The following NFATC3 variants were observed in gnomAD, a reference collection of about 807,000 sequenced individuals.
NFATC3 encodes nuclear factor of activated T cells 3, also known as nuclear factor of activated T-cells, cytoplasmic 3.
Under a neutral mutation model 98.6 loss-of-function variants are expected in NFATC3, and 46 were observed. That is an observed-to-expected ratio of 0.47 (90% CI 0.37 to 0.60). The LOEUF (loss-of-function observed/expected upper bound fraction) is 0.60. Ranked by LOEUF, NFATC3 falls within the 20% of genes least tolerant of loss-of-function variation. The pLI is 0.00. For synonymous variants in NFATC3, 512 were observed against 472.2 expected, an observed-to-expected ratio of 1.08 and a Z score of -1.09; for missense variants, 1,256 against 1,295.5, an observed-to-expected ratio of 0.97 and a Z score of 0.47.
intron 9 of NFATC3, among the ~76,000 whole-genome samples, chr16:68,208,477 G>A (rs956859432): frequency 6.6e-6 from 1 of 152,192 alleles, no homozygotes; most frequent in African/African-American, 2.4e-5. Flanking sequence ...TTGGGAGGCT[G>A]AGGCAGGCTG....
intron 9 of NFATC3, among the ~76,000 whole-genome samples, chr16:68,194,549 G>T (rs998161705): frequency 6.6e-6 from 1 of 152,182 alleles, no homozygotes; most frequent in African/African-American, 2.4e-5. Flanking sequence ...TAAAAATGTT[G>T]CCTGTTTCTT....
chr16:68,197,708 CAAAGTA>C (rs2040735503), intron 9 of NFATC3, among the ~76,000 whole-genome samples: 1 of 152,098 alleles, frequency 6.6e-6, no homozygotes, highest in African/African-American at 2.4e-5. Context: ...CTGTTAAGTC[CAAAGTA>C]ATTTCCACTC....
At chr16:68,173,244 C>T (rs1043406355) in intron 5 of NFATC3, among the ~76,000 whole-genome samples, 1 of 150,738 alleles carries the variant, frequency 6.6e-6, no homozygotes, top group Non-Finnish European at 1.5e-5. Context: ...ATAACCTGGG[C>T]AACAGAGCAA....
At chr16:68,148,730 G>A (rs1321408706) in intron 3 of NFATC3, among the ~76,000 whole-genome samples, 1 of 152,086 alleles carries the variant, frequency 6.6e-6, no homozygotes, top group East Asian at 1.9e-4. Context: ...AGTTAAGACC[G>A]GGCACGGTGG....
chr16:68,105,450 T>C (rs2035604791), intron 1 of NFATC3, among the ~76,000 whole-genome samples: 1 of 152,182 alleles, frequency 6.6e-6, no homozygotes, highest in Non-Finnish European at 1.5e-5. Flanking sequence ...TTTTCACATG[T>C]TGAACCACCC....
At chr16:68,173,356 C>T (rs2039552158) in intron 5 of NFATC3, among the ~76,000 whole-genome samples, 1 of 152,054 alleles carries the variant, frequency 6.6e-6, no homozygotes, top group Non-Finnish European at 1.5e-5. Flanking sequence ...CACCTGAAGT[C>T]TGGAGTTTGA....
intron 3 of NFATC3, among the ~76,000 whole-genome samples, chr16:68,127,452 T>C (rs1301816652): frequency 1.3e-5 from 2 of 152,122 alleles, no homozygotes; most frequent in Admixed American, 1.3e-4. Context: ...TTTGTGATGC[T>C]GAGGCAAGTG....
At chr16:68,174,314 A>G (rs1598504860) in intron 5 of NFATC3, 60 bp from the exon 6 acceptor site, 2 of 1,265,310 alleles carry the variant, frequency 1.6e-6, no homozygotes, top group East Asian at 2.7e-5. Context: ...TCATTTATGT[A>G]TCAAAGATTT....
chr16:68,085,751 C>T lies in NFATC3; in HGVS notation c.70C>T (p.Pro24Ser). 2.0e-6 allele frequency: 3 copies of T among 1,503,934 alleles called. No homozygotes were observed. Among genetic ancestry groups the T allele is most frequent in the East Asian group, 2.8e-5 (1 of 35,940 alleles). The allele number at this position is 1,503,934 out of a possible 1,614,324, so 93.2% of individuals were successfully genotyped here. ...FKLVFGEDGAPAPPPPGSRPA... is the reference protein window; with the variant it reads ...FKLVFGEDGASAPPPPGSRPA... ...ACTCGTCTTTGGCGAGGACGGGGCG[C>T]CGGCGCCGCCGCCCCCGGGCTCGCG... The change falls in exon 1 of 10, where the codon CCG becomes TCG. Residue 24 changes from proline to serine, a missense_variant. Transcript: ENST00000346183.
intron 8 of NFATC3, 26 bp downstream of exon 8, chr16:68,183,392 A>G (rs553266677): frequency 6.2e-7 from 1 of 1,605,650 alleles, no homozygotes; most frequent in Non-Finnish European, 8.5e-7. Context: ...ATGGTTTACT[A>G]TAGAGCTTTC....
chr16:68,207,489 A>G (rs1450409337), intron 9 of NFATC3, among the ~76,000 whole-genome samples: 1 of 152,014 alleles, frequency 6.6e-6, no homozygotes, highest in East Asian at 1.9e-4. Flanking sequence ...TTTGAGATGG[A>G]GTCCCACTCT....
chr16:68,186,016 G>A (rs1347323047), intron 8 of NFATC3, among the ~76,000 whole-genome samples: 1 of 152,138 alleles, frequency 6.6e-6, no homozygotes, highest in African/African-American at 2.4e-5. Context: ...ACATTGGGTT[G>A]CACTGTAACT....
intron 4 of NFATC3, among the ~76,000 whole-genome samples, chr16:68,166,638 T>C (rs577424621): frequency 2.0e-4 from 31 of 152,376 alleles, no homozygotes; most frequent in African/African-American, 7.2e-4. Context: ...GCAGACAATC[T>C]GCTAAGTTTT....
At chr16:68,225,126 A>G (rs1431979997) in intron 9 of NFATC3, 1 of 151,706 alleles carries the variant, frequency 6.6e-6, no homozygotes. Flanking sequence ...CTAATTTTGT[A>G]TTTTTAGTAG....
At chr16:68,190,609 G>T (rs1217511883) in intron 8 of NFATC3, among the ~76,000 whole-genome samples, 159 bp from the exon 9 acceptor site, 1 of 151,976 alleles carries the variant, frequency 6.6e-6, no homozygotes. Context: ...ATGTCTACAC[G>T]TACACACAGA....
At chr16:68,172,614 C>G (rs1311578251) in intron 5 of NFATC3, among the ~76,000 whole-genome samples, 1 of 151,866 alleles carries the variant, frequency 6.6e-6, no homozygotes, top group African/African-American at 2.4e-5. Flanking sequence ...GACCCTGTCT[C>G]TACAAAAAAA....
chr16:68,160,976 A>T (rs1485930613), intron 4 of NFATC3, among the ~76,000 whole-genome samples: 1 of 152,164 alleles, frequency 6.6e-6, no homozygotes, highest in Non-Finnish European at 1.5e-5. Context: ...GATGTGAGCC[A>T]CTGCAACGGC....
At chr16:68,154,251 C>T (rs1021925207) in intron 3 of NFATC3, among the ~76,000 whole-genome samples, 2 of 152,132 alleles carry the variant, frequency 1.3e-5, no homozygotes, top group African/African-American at 4.8e-5. Flanking sequence ...TACCATCATT[C>T]TCCTGGGTAC....
intron 4 of NFATC3, among the ~76,000 whole-genome samples, chr16:68,160,740 A>G (rs2038853330): frequency 1.3e-5 from 2 of 151,848 alleles, no homozygotes; most frequent in Non-Finnish European, 2.9e-5. Context: ...GCTGGAGTGC[A>G]GTGTCACCAT....
Sources: gnomAD v4.1 joint callset for allele counts (sites outside exome capture counted in the v4.1 genomes callset) on GRCh38, gnomAD v4.1.1 for gene constraint, MANE v1.5 for transcripts, NCBI Gene and HGNC (gene_info 2026-07-23, HGNC 2026-07-21) for gene names.